DDAH1: variants seen among roughly 807,000 people sequenced by gnomAD.
The protein encoded by DDAH1 is N(G),N(G)-dimethylarginine dimethylaminohydrolase 1.
In DDAH1, 19 loss-of-function variants were observed where a neutral mutation model predicts 28.8. The observed-to-expected ratio is 0.66, with a 90% confidence interval of 0.46 to 0.97. The LOEUF (loss-of-function observed/expected upper bound fraction) is 0.97, where lower values mean the gene tolerates loss of function less well. Ranked by LOEUF, DDAH1 falls within the 50% of genes least tolerant of loss-of-function variation. DDAH1 has a pLI of 0.00. For synonymous variants in DDAH1, 153 were observed against 154.4 expected, an observed-to-expected ratio of 0.99 and a Z score of 0.07; for missense variants, 326 against 375.9, an observed-to-expected ratio of 0.87 and a Z score of 1.10.
chr1:85,364,369 G>A (rs1171861003), intron 1 of DDAH1, among the ~76,000 whole-genome samples: 4 of 152,008 alleles, frequency 2.6e-5, no homozygotes, highest in African/African-American at 4.8e-5. Context: ...GTATATTAGG[G>A]CCTTAGGATG....
At chr1:85,375,065 A>C (rs1029145003) in intron 1 of DDAH1, among the ~76,000 whole-genome samples, 1 of 85,402 alleles carries the variant, frequency 1.2e-5, no homozygotes, top group Non-Finnish European at 2.3e-5. Flanking sequence ...GAGGATAAAA[A>C]GCTACATCAC....
chr1:85,416,158 A>C (rs190821073), intron 1 of DDAH1, among the ~76,000 whole-genome samples: 18 of 152,240 alleles, frequency 1.2e-4, no homozygotes, highest in Non-Finnish European at 2.2e-4. Context: ...AAAGAATATA[A>C]ATTTTTTGAA....
chr1:85,460,013 A>G (rs1401653898), intron 1 of DDAH1, among the ~76,000 whole-genome samples: 1 of 152,146 alleles, frequency 6.6e-6, no homozygotes, highest in Non-Finnish European at 1.5e-5. Flanking sequence ...TTTCATAAAA[A>G]CCTCATTTCT....
intron 2 of DDAH1, among the ~76,000 whole-genome samples, chr1:85,480,975 C>A (rs1655990229): frequency 6.6e-6 from 1 of 151,214 alleles, no homozygotes; most frequent in African/African-American, 2.4e-5. Context: ...GTAACTTTTG[C>A]TATCTTTAAG....
intron 1 of DDAH1, among the ~76,000 whole-genome samples, chr1:85,413,523 T>C (rs1652753131): frequency 6.6e-6 from 1 of 152,246 alleles, no homozygotes; most frequent in African/African-American, 2.4e-5. Context: ...AATGTGGCAC[T>C]TCCTTCTCCT....
chr1:85,462,333 T>C (rs748807970), intron 1 of DDAH1, among the ~76,000 whole-genome samples: 5 of 152,088 alleles, frequency 3.3e-5, no homozygotes, highest in African/African-American at 4.8e-5. Context: ...TGGGTTTATC[T>C]AAGCTCAGTG....
chr1:85,342,988 CTT>C (rs1474273174), intron 4 of DDAH1, among the ~76,000 whole-genome samples: 19 of 152,300 alleles, frequency 1.2e-4, no homozygotes, highest in African/African-American at 3.4e-4. Context: ...CACTTATAGA[CTT>C]TTTCTTTCAG....
At chr1:85,485,486 T>A (rs1454365906) in intron 2 of DDAH1, among the ~76,000 whole-genome samples, 1 of 152,114 alleles carries the variant, frequency 6.6e-6, no homozygotes, top group Non-Finnish European at 1.5e-5. Flanking sequence ...ATGGGAAAAA[T>A]ATTCCAGGAC....
intron 4 of DDAH1, among the ~76,000 whole-genome samples, chr1:85,342,329 C>CTTTT (rs1648546528): frequency 6.6e-6 from 1 of 151,942 alleles, no homozygotes; most frequent in South Asian, 2.1e-4. Context: ...TTTTTTCCCC[C>CTTTT]TTTTTGGCAT....
At chr1:85,335,764 C>A (rs2100810506) in intron 4 of DDAH1, among the ~76,000 whole-genome samples, 1 of 151,884 alleles carries the variant, frequency 6.6e-6, no homozygotes, top group South Asian at 2.1e-4. Flanking sequence ...TAGTTCAAGA[C>A]CAGCCTAGGC....
intron 1 of DDAH1, among the ~76,000 whole-genome samples, chr1:85,361,989 G>A (rs548402997): frequency 2.8e-4 from 43 of 152,264 alleles, no homozygotes; most frequent in African/African-American, 9.9e-4. Flanking sequence ...TATACACAGT[G>A]ACAGATACTT....
intron 1 of DDAH1, among the ~76,000 whole-genome samples, chr1:85,497,031 GA>G (rs1186803362): frequency 2.6e-5 from 4 of 152,002 alleles, no homozygotes; most frequent in Admixed American, 2.0e-4. Context: ...ATTCAAAACA[GA>G]AAAAAATAAT....
At position 85,331,417 on chromosome 1, in the gene DDAH1, A is replaced by ATATATGTATG. The variant is rs71765857; in HGVS notation, c.598-6535_598-6534insCATACATATA. Among the ~76,000 whole-genome samples, 48 of 132,416 alleles carry ATATATGTATG rather than the reference A, an allele frequency of 3.6e-4. 1 individual carries two copies. The East Asian group carries it at 8.4e-3, about 23-fold the overall frequency. The allele number at this position is 132,416 out of a possible 152,430, so 86.9% of individuals were successfully genotyped here. A position where few individuals can be genotyped will look rare whatever the true frequency, so the allele number is the denominator to read the frequency against. On this transcript the variant is annotated intron_variant, in intron 4 of 5. Coordinates refer to ENST00000284031, the MANE Select transcript of DDAH1 (RefSeq NM_012137.4). ...TCACTCATAATTGATCTTTATATTCATATATGTATATATATATATATAACA... is the reference window on the plus strand; with the variant it reads ...TCACTCATAATTGATCTTTATATTCATATATGTATGTATATGTATATATATATATATAACA...
chr1:85,345,013 A>G (rs895121791), intron 4 of DDAH1, among the ~76,000 whole-genome samples: 1 of 152,174 alleles, frequency 6.6e-6, no homozygotes, highest in Non-Finnish European at 1.5e-5. Context: ...TAACATATAT[A>G]TTTTTCCTAA....
intron 1 of DDAH1, among the ~76,000 whole-genome samples, chr1:85,535,023 T>G (rs1185659060): frequency 6.6e-6 from 1 of 152,112 alleles, no homozygotes; most frequent in Non-Finnish European, 1.5e-5. Flanking sequence ...ATTCTTTTTT[T>G]TTTTCCCGTG....
intron 1 of DDAH1, among the ~76,000 whole-genome samples, chr1:85,567,305 T>G (rs553411056): frequency 6.6e-6 from 1 of 152,316 alleles, no homozygotes; most frequent in Admixed American, 6.5e-5. Flanking sequence ...ATCTTGTAGC[T>G]TCCATAATTC....
chr1:85,325,340 TGCATGCACGTGCGTGCGCGCGCGCGC>T (rs1343641248), intron 4 of DDAH1, among the ~76,000 whole-genome samples: 1 of 146,850 alleles, frequency 6.8e-6, no homozygotes, highest in Non-Finnish European at 1.5e-5. Context: ...CACACGTGTG[TGCATGCACGTGCGTGCGCGCGCGCGC>T]GCACACACAC....
intron 1 of DDAH1, among the ~76,000 whole-genome samples, chr1:85,368,878 C>T (rs1469207580): frequency 6.6e-6 from 1 of 152,044 alleles, no homozygotes; most frequent in African/African-American, 2.4e-5. Flanking sequence ...TCGCATGCTG[C>T]CAGACACAAA....
At chr1:85,497,796 A>G (rs1656651933) in intron 1 of DDAH1, among the ~76,000 whole-genome samples, 1 of 152,240 alleles carries the variant, frequency 6.6e-6, no homozygotes, top group East Asian at 1.9e-4. Context: ...GCAATTTCTC[A>G]TGTTATATAT....
Sources: gnomAD v4.1 joint callset for allele counts (sites outside exome capture counted in the v4.1 genomes callset) on GRCh38, gnomAD v4.1.1 for gene constraint, MANE v1.5 for transcripts, NCBI Gene and HGNC (gene_info 2026-07-23, HGNC 2026-07-21) for gene names.